Variants in DDX60 observed in about 807,000 individuals in gnomAD.
DDX60 encodes the protein probable ATP-dependent RNA helicase DDX60.
Under a neutral mutation model 212.8 loss-of-function variants are expected in DDX60, and 165 were observed. That is an observed-to-expected ratio of 0.78 (90% CI 0.68 to 0.88). The LOEUF (loss-of-function observed/expected upper bound fraction) is 0.88. Among genes scored for constraint, DDX60 ranks in the 40% least tolerant of loss-of-function variants. DDX60 has a pLI of 0.00. For missense variants in DDX60, 1,905 were observed against 2,003.9 expected, an observed-to-expected ratio of 0.95 and a Z score of 0.94; for synonymous variants, 703 against 685.3, an observed-to-expected ratio of 1.03 and a Z score of -0.40.
intron 13 of DDX60, among the ~76,000 whole-genome samples, 155 bp downstream of exon 13, chr4:168,283,291 G>A (rs1490325491): frequency 1.3e-5 from 2 of 152,000 alleles, no homozygotes; most frequent in Non-Finnish European, 2.9e-5. Flanking sequence ...TTTTCAGCAA[G>A]AGGTAAAAGA....
intron 5 of DDX60, among the ~76,000 whole-genome samples, chr4:168,303,189 C>T (rs1000413997): frequency 6.6e-6 from 1 of 151,654 alleles, no homozygotes; most frequent in African/African-American, 2.4e-5. Flanking sequence ...GTAGTCCCAG[C>T]TGCTCAGGAG....
In DDX60 at chr4:168,283,528, T is replaced by A. The variant is rs1015364109; in HGVS notation, c.1640A>T (p.Glu547Val). Residue 547 changes from glutamate to valine, a missense_variant, in exon 13 of 38, where the codon GAA becomes GTA. Glu to Val is a moderately radical substitution (Grantham distance 121, BLOSUM62 -2). Coordinates refer to ENST00000393743, the MANE Select transcript of DDX60 (RefSeq NM_017631.6). ...CACGATGATTTTCGAAGAGACTGTT[T>A]CTAATGAATTCCCATAAAACCGTTG... is the stretch of plus-strand genomic sequence containing the variant. The part of the protein sequence containing the change: ...VFQRFYGNSL[E>V]TVSSKIIVTQ... 1.9e-6 allele frequency: 3 copies of A among 1,613,462 alleles called. No individual in the cohort carries two copies. Among genetic ancestry groups the A allele is most frequent in the Non-Finnish European group, 2.5e-6 (3 of 1,179,606 alleles).
rs759427776 is a variant in DDX60 at position 168,224,388 on chromosome 4, G to C, written c.4682-3C>G. ...TTCACATTCTTTACCTGTGAATTCTGACAATAATAGTTAGGGATAGATTAG... is the reference window on the plus strand; with the variant it reads ...TTCACATTCTTTACCTGTGAATTCTCACAATAATAGTTAGGGATAGATTAG... On this transcript the variant is annotated splice_polypyrimidine_tract_variant and splice_region_variant and intron_variant, in intron 34 of 37. Transcript: ENST00000393743. 1.9e-6 allele frequency: 3 copies of C among 1,610,786 alleles called. No individual in the cohort carries two copies. Among genetic ancestry groups the C allele is most frequent in the East Asian group, 2.2e-5 (1 of 44,698 alleles).
chr4:168,238,450 AAGGGAAGG>A (rs1733718148), intron 30 of DDX60, among the ~76,000 whole-genome samples: 1 of 110,196 alleles, frequency 9.1e-6, no homozygotes, highest in African/African-American at 3.2e-5. Flanking sequence ...AAGGGAAGGG[AAGGGAAGG>A]GAAGGGAAGG....
intron 1 of DDX60, among the ~76,000 whole-genome samples, chr4:168,313,899 T>A (rs900154568): frequency 3.9e-5 from 6 of 152,230 alleles, no homozygotes; most frequent in Non-Finnish European, 7.3e-5. Flanking sequence ...AATATAACTA[T>A]GACTGAGACG....
At chr4:168,302,860 C>T (rs1322456798) in intron 5 of DDX60, among the ~76,000 whole-genome samples, 1 of 152,164 alleles carries the variant, frequency 6.6e-6, no homozygotes, top group African/African-American at 2.4e-5. Flanking sequence ...TTTCAGGTAC[C>T]TATCACCCAG....
At chr4:168,309,752 G>GC (rs1375256294) in intron 3 of DDX60, among the ~76,000 whole-genome samples, 1 of 152,110 alleles carries the variant, frequency 6.6e-6, no homozygotes, top group Non-Finnish European at 1.5e-5. Flanking sequence ...CTAAGAGACA[G>GC]AAGAAAATCA....
chr4:168,220,901 C>G (rs1490699445), intron 36 of DDX60, among the ~76,000 whole-genome samples, 184 bp from the exon 37 acceptor site: 1 of 151,988 alleles, frequency 6.6e-6, no homozygotes, highest in African/African-American at 2.4e-5. Context: ...ATTATGAATT[C>G]AAGAGTTGAA....
intron 6 of DDX60, 110 bp downstream of exon 6, chr4:168,302,190 C>A: frequency 2.1e-6 from 1 of 469,424 alleles, no homozygotes; most frequent in Admixed American, 4.2e-5. Flanking sequence ...AAGATGTTAA[C>A]ATTAGGAGAA....
intron 5 of DDX60, 137 bp from the exon 6 acceptor site, chr4:168,302,553 T>C (rs1233436311): frequency 9.1e-6 from 4 of 438,976 alleles, no homozygotes; most frequent in Non-Finnish European, 1.6e-5. Context: ...AATGTAATTG[T>C]AAGTTTTAAA....
chr4:168,223,964 T>C (rs1369149638), intron 35 of DDX60, among the ~76,000 whole-genome samples: 5 of 151,964 alleles, frequency 3.3e-5, no homozygotes, highest in Non-Finnish European at 7.4e-5. Flanking sequence ...TATGTGCTAC[T>C]TCCACAGAAA....
chr4:168,292,049 C>CTATCCTTTT (rs1736132333), intron 7 of DDX60, 143 bp from the exon 8 acceptor site: 1 of 284,572 alleles, frequency 3.5e-6, no homozygotes. Flanking sequence ...TTCTTTCTTT[C>CTATCCTTTT]TTTTTTTTTT....
intron 14 of DDX60, among the ~76,000 whole-genome samples, chr4:168,278,998 A>G (rs887663123): frequency 6.6e-6 from 1 of 152,190 alleles, no homozygotes; most frequent in Non-Finnish European, 1.5e-5. Flanking sequence ...AAGATGCCCA[A>G]TAGAACCTAC....
At chr4:168,291,135 A>G (rs2149534737) in intron 8 of DDX60, among the ~76,000 whole-genome samples, 2 of 152,362 alleles carry the variant, frequency 1.3e-5, no homozygotes, top group Middle Eastern at 6.8e-3. Context: ...TGGTACTAAA[A>G]GATAACTAGT....
rs983644192 is a variant in DDX60 at position 168,276,081 on chromosome 4, T to C, written c.2079A>G (p.Gln693=). The C allele has an allele frequency of 6.2e-7, 1 of 1,613,676 alleles. No individual in the cohort carries two copies. The highest frequency in any genetic ancestry group is 1.3e-5 in the African/African-American group (1 of 74,922). ...YSELLQEDDR[Q]LIARCLKYLG... ...AATACTTAAGGCATCTGGCTATGAGTTGCCGATCATCTTCTTGTAAAAGTT... is the reference window on the plus strand; with the variant it reads ...AATACTTAAGGCATCTGGCTATGAGCTGCCGATCATCTTCTTGTAAAAGTT... The change falls in exon 15 of 38, where the codon CAA becomes CAG. Residue 693 remains glutamine, a synonymous_variant. Transcript: ENST00000393743.
intron 18 of DDX60, 86 bp from the exon 19 acceptor site, chr4:168,272,224 T>C (rs964108429): frequency 9.2e-7 from 1 of 1,087,852 alleles, no homozygotes; most frequent in Non-Finnish European, 1.4e-6. Context: ...GATAGACTTA[T>C]GAGTCCTGAA....
chr4:168,280,639 A>T, intron 13 of DDX60, 49 bp from the exon 14 acceptor site: 1 of 1,549,040 alleles, frequency 6.5e-7, no homozygotes, highest in East Asian at 2.2e-5. Context: ...AAATATTCCA[A>T]GATAACAGGT....
At chr4:168,274,359 T>C (rs1158370902) in intron 16 of DDX60, among the ~76,000 whole-genome samples, 1 of 152,168 alleles carries the variant, frequency 6.6e-6, no homozygotes, top group Non-Finnish European at 1.5e-5. Context: ...CTAAGTGCGG[T>C]TGAGAAACTA....
At chr4:168,293,000 A>C (rs1394347183) in intron 7 of DDX60, among the ~76,000 whole-genome samples, 1 of 152,260 alleles carries the variant, frequency 6.6e-6, no homozygotes, top group Non-Finnish European at 1.5e-5. Context: ...TGAAATGTTC[A>C]GAAACTTCAT....
Sources: allele counts gnomAD v4.1 joint callset (sites outside exome capture counted in the v4.1 genomes callset), GRCh38; gene constraint gnomAD v4.1.1; transcripts MANE v1.5; gene names NCBI Gene and HGNC (gene_info 2026-07-23, HGNC 2026-07-21).